PTPRD: variants seen among roughly 807,000 people sequenced by gnomAD.
PTPRD encodes protein tyrosine phosphatase receptor type D, also known as receptor-type tyrosine-protein phosphatase delta.
Under a neutral mutation model 214.5 loss-of-function variants are expected in PTPRD, and 34 were observed. The ratio of observed to expected loss-of-function variants is 0.16; its 90% CI spans 0.12 to 0.21. The LOEUF (loss-of-function observed/expected upper bound fraction) is 0.21. Ranked by LOEUF, PTPRD falls within the 10% of genes least tolerant of loss-of-function variation. PTPRD has a pLI of 1.00. For synonymous variants in PTPRD, 1,128 were observed against 845.7 expected (o/e 1.33, Z -5.79); for missense variants, 2,545 against 2,398.7 (o/e 1.06, Z -1.27).
At chr9:8,798,070 T>C (rs1250397116) in intron 11 of PTPRD, among the ~76,000 whole-genome samples, 6 of 152,174 alleles carry the variant, frequency 3.9e-5, no homozygotes, top group Admixed American at 2.6e-4. Flanking sequence ...CGTGGAATTC[T>C]ACCCTATATG....
intron 2 of PTPRD, among the ~76,000 whole-genome samples, chr9:10,571,097 T>C (rs1273177642): frequency 6.6e-6 from 1 of 152,196 alleles, no homozygotes; most frequent in African/African-American, 2.4e-5. Context: ...AAAATATGAA[T>C]GGCATTATAT....
At chr9:9,883,185 C>T (rs1439763825) in intron 5 of PTPRD, among the ~76,000 whole-genome samples, 1 of 151,984 alleles carries the variant, frequency 6.6e-6, no homozygotes, top group African/African-American at 2.4e-5. Context: ...CTTGAAGGTG[C>T]TTATACTTTT....
At chr9:10,526,096 T>C (rs1296396316) in intron 2 of PTPRD, among the ~76,000 whole-genome samples, 1 of 152,124 alleles carries the variant, frequency 6.6e-6, no homozygotes, top group Non-Finnish European at 1.5e-5. Flanking sequence ...ATTCCTGCTG[T>C]CATAGAAAGT....
At chr9:8,956,083 T>A (rs536189658) in intron 11 of PTPRD, among the ~76,000 whole-genome samples, 1 of 151,952 alleles carries the variant, frequency 6.6e-6, no homozygotes, top group Non-Finnish European at 1.5e-5. Context: ...GGAAATCCTA[T>A]ACAAATGCTC....
chr9:8,321,475 GTGTGTGTGTGTGTATATA>G (rs1419656148), intron 44 of PTPRD, among the ~76,000 whole-genome samples: 76 of 99,996 alleles, frequency 7.6e-4, no homozygotes, highest in African/African-American at 3.0e-3. Flanking sequence ...GTGTGTGTGT[GTGTGTGTGTGTGTATATA>G]TATATATATA....
intron 2 of PTPRD, among the ~76,000 whole-genome samples, chr9:10,448,523 G>GA (rs2098815197): frequency 6.6e-6 from 1 of 151,926 alleles, no homozygotes; most frequent in African/African-American, 2.4e-5. Flanking sequence ...AATATAATAG[G>GA]AAGTGGGTAA....
intron 8 of PTPRD, among the ~76,000 whole-genome samples, chr9:9,439,598 A>C (rs1228768203): frequency 1.3e-5 from 2 of 152,140 alleles, no homozygotes; most frequent in East Asian, 3.8e-4. Flanking sequence ...CCCAGATTAG[A>C]GGTGCATTCC....
chr9:10,082,840 A>ACACACACACAAAC (rs1555566891), intron 3 of PTPRD, among the ~76,000 whole-genome samples: 10 of 128,232 alleles, frequency 7.8e-5, no homozygotes, highest in Admixed American at 2.5e-4. Context: ...CACACACACA[A>ACACACACACAAAC]ACACACACAC....
At chr9:9,475,326 G>C (rs2094946400) in intron 8 of PTPRD, among the ~76,000 whole-genome samples, 1 of 152,060 alleles carries the variant, frequency 6.6e-6, no homozygotes, top group Non-Finnish European at 1.5e-5. Flanking sequence ...ACCAATAAAA[G>C]GGATAACCAT....
intron 5 of PTPRD, among the ~76,000 whole-genome samples, chr9:9,921,882 T>G (rs2082651127): frequency 6.6e-6 from 1 of 152,112 alleles, no homozygotes; most frequent in African/African-American, 2.4e-5. Flanking sequence ...ATTTTATAAA[T>G]GAGGAAATGG....
intron 5 of PTPRD, among the ~76,000 whole-genome samples, chr9:9,871,430 T>G (rs1168174892): frequency 2.0e-5 from 3 of 152,184 alleles, no homozygotes; most frequent in African/African-American, 7.2e-5. Flanking sequence ...GATATTTTAC[T>G]GCAATATCCT....
chr9:10,083,277 C>T (rs1241445139), intron 3 of PTPRD, among the ~76,000 whole-genome samples: 3 of 151,910 alleles, frequency 2.0e-5, no homozygotes, highest in Non-Finnish European at 4.4e-5. Flanking sequence ...TAAATTCGGT[C>T]TCCATTTGGA....
At chr9:8,998,199 T>C (rs971109067) in intron 11 of PTPRD, among the ~76,000 whole-genome samples, 11 of 152,084 alleles carry the variant, frequency 7.2e-5, no homozygotes, top group Non-Finnish European at 1.5e-4. Flanking sequence ...AACAGGCTTC[T>C]ATTGGAAGAA....
chr9:9,806,008 C>G (rs1300014909), intron 5 of PTPRD, among the ~76,000 whole-genome samples: 1 of 152,110 alleles, frequency 6.6e-6, no homozygotes, highest in Non-Finnish European at 1.5e-5. Flanking sequence ...GATCCTAACC[C>G]TCAAGTGGTT....
At chr9:8,933,976 G>A (rs928637377) in intron 11 of PTPRD, among the ~76,000 whole-genome samples, 7 of 151,972 alleles carry the variant, frequency 4.6e-5, no homozygotes, top group South Asian at 4.2e-4. Context: ...ATTTCCTTTT[G>A]GGGCTGGGAA....
intron 12 of PTPRD, among the ~76,000 whole-genome samples, chr9:8,688,367 C>G (rs1228780774): frequency 6.6e-6 from 1 of 151,998 alleles, no homozygotes; most frequent in Non-Finnish European, 1.5e-5. Context: ...GAGATCGAGA[C>G]TATCCTAGCT....
intron 14 of PTPRD, among the ~76,000 whole-genome samples, chr9:8,630,755 G>C (rs1206442436): frequency 1.3e-5 from 2 of 151,844 alleles, no homozygotes; most frequent in Non-Finnish European, 2.9e-5. Flanking sequence ...CTGTATAAAA[G>C]CAGAGGAGAT....
In PTPRD at chr9:9,210,332, T is replaced by C. The variant is rs537952119; in HGVS notation, c.-202-26969A>G. 2.0e-5 allele frequency among the ~76,000 whole-genome samples: 3 copies of C among 152,290 alleles called. No individual in the cohort carries two copies. In the South Asian group the frequency reaches 6.2e-4, roughly 32 times the overall value. ...ATATATAACAGGTGAGTTTCATCCA[T>C]ATGTATAATAATATTAAGAATCACT... On this transcript the variant is annotated intron_variant, in intron 9 of 45. Coordinates refer to ENST00000381196, the MANE Select transcript of PTPRD (RefSeq NM_002839.4).
intron 10 of PTPRD, among the ~76,000 whole-genome samples, chr9:9,171,049 C>G (rs554730406): frequency 1.3e-5 from 2 of 152,244 alleles, no homozygotes; most frequent in South Asian, 4.1e-4. Context: ...GTGGTACCAC[C>G]AGGGCAGCAG....
Sources: gnomAD v4.1 joint callset for allele counts (sites outside exome capture counted in the v4.1 genomes callset) on GRCh38, gnomAD v4.1.1 for gene constraint, MANE v1.5 for transcripts, NCBI Gene and HGNC (gene_info 2026-07-23, HGNC 2026-07-21) for gene names.